Variants in MYOM2 observed in about 807,000 individuals in gnomAD.
MYOM2 encodes myomesin-2.
In MYOM2, 254 loss-of-function variants were observed where a neutral mutation model predicts 187.6. The observed-to-expected ratio is 1.35, with a 90% CI of 1.22 to 1.50. The LOEUF (loss-of-function observed/expected upper bound fraction) is 1.50, where lower values mean the gene tolerates loss of function less well. Ranked by LOEUF, MYOM2 falls within the 40% of genes most tolerant of loss-of-function variation. MYOM2 has a pLI of 0.00. For synonymous variants in MYOM2, 981 were observed against 753.8 expected (o/e 1.30, Z -4.94); for missense variants, 2,796 against 1,924.0 (o/e 1.45, Z -8.48).
intron 1 of MYOM2, among the ~76,000 whole-genome samples, chr8:2,046,085 A>G (rs537009345): frequency 1.8e-4 from 28 of 152,264 alleles, no homozygotes; most frequent in Admixed American, 1.6e-3. Flanking sequence ...GCACAGGCCA[A>G]CGCTGCGTGT....
At chr8:2,081,826 A>G (rs923061558) in intron 13 of MYOM2, 1 of 152,172 alleles carries the variant, frequency 6.6e-6, no homozygotes, top group African/African-American at 2.4e-5. Context: ...GATAAAGTGG[A>G]AGTTTGGCAT....
chr8:2,048,845 A>G (rs1818390459), intron 1 of MYOM2, among the ~76,000 whole-genome samples: 2 of 151,074 alleles, frequency 1.3e-5, no homozygotes, highest in Non-Finnish European at 1.5e-5. Context: ...GCTGGAATGC[A>G]GTGGCGCGAT....
At chr8:2,072,533 C>A (rs763031017) in intron 9 of MYOM2, 24 bp downstream of exon 9, 2 of 1,602,874 alleles carry the variant, frequency 1.2e-6, no homozygotes, top group East Asian at 4.5e-5. Flanking sequence ...GGCCCAGACC[C>A]GGGCACACAC....
intron 31 of MYOM2, among the ~76,000 whole-genome samples, chr8:2,128,201 G>A (rs949067356): frequency 6.6e-6 from 1 of 152,226 alleles, no homozygotes; most frequent in South Asian, 2.1e-4. Context: ...GCAAGCAAAG[G>A]CTCTTTCAGG....
chr8:2,106,478 T>G lies in MYOM2; in HGVS notation c.2892-13T>G. The G allele has an allele frequency of 6.2e-7, 1 of 1,610,792 alleles. No individual in the cohort carries two copies. On this transcript the variant is annotated splice_polypyrimidine_tract_variant and intron_variant, in intron 22 of 36. Coordinates refer to ENST00000262113, the MANE Select transcript of MYOM2 (RefSeq NM_003970.4). ...GAAATGATCGACATTCACCTACTCT[T>G]CTTCCTTTTTAGCTCCAAGCTGTAC...
intron 5 of MYOM2, among the ~76,000 whole-genome samples, 158 bp from the exon 6 acceptor site, chr8:2,058,995 A>G (rs7461903): frequency 0.85 from 128,713 of 152,248 alleles, 54,558 homozygotes; most frequent in East Asian, 0.97. Flanking sequence ...ACCAGTGCGA[A>G]CTCTGGGCCT....
At chr8:2,113,647 T>G (rs10098939) in intron 25 of MYOM2, among the ~76,000 whole-genome samples, 65 of 152,108 alleles carry the variant, frequency 4.3e-4, no homozygotes, top group African/African-American at 1.4e-3. Context: ...AAGGTCTCAG[T>G]TGATCAAGAA....
In MYOM2 at chr8:2,144,831, C is replaced by T. The variant is rs758132832; in HGVS notation, c.4248C>T (p.Tyr1416=). ...KGVTSEDSGK[Y]SINIKNKYGG... Reference sequence around the variant, plus strand: ...TGACCTCCGAGGACTCGGGCAAGTACAGCATCAACATCAAGAATAAGTATG... The same window carrying T: ...TGACCTCCGAGGACTCGGGCAAGTATAGCATCAACATCAAGAATAAGTATG... The change falls in exon 37 of 37, where the codon TAC becomes TAT. Residue 1416 remains tyrosine, a synonymous_variant. Coordinates refer to ENST00000262113, the MANE Select transcript of MYOM2 (RefSeq NM_003970.4). The T allele has an allele frequency of 7.4e-6, 12 of 1,614,068 alleles. No homozygotes were observed. The highest frequency in any genetic ancestry group is 2.7e-5 in the African/African-American group (2 of 74,934).
chr8:2,058,773 C>T (rs1453280067), intron 5 of MYOM2, among the ~76,000 whole-genome samples: 1 of 152,124 alleles, frequency 6.6e-6, no homozygotes, highest in African/African-American at 2.4e-5. Flanking sequence ...TTCCTTTCAC[C>T]AGGGTCAGTG....
chr8:2,095,903 C>T (rs1360780654), intron 17 of MYOM2, among the ~76,000 whole-genome samples: 5 of 152,178 alleles, frequency 3.3e-5, no homozygotes, highest in East Asian at 1.9e-4. Flanking sequence ...AAAGCTCCTT[C>T]GCCAAGCTTC....
intron 11 of MYOM2, 113 bp from the exon 12 acceptor site, chr8:2,078,621 C>A (rs376993376): frequency 2.1e-6 from 2 of 930,966 alleles, no homozygotes; most frequent in Non-Finnish European, 1.7e-6. Context: ...ATTTTACTGG[C>A]GTGAGATATT....
intron 16 of MYOM2, 65 bp downstream of exon 16, chr8:2,092,585 G>A: frequency 3.2e-6 from 5 of 1,553,166 alleles, no homozygotes; most frequent in Non-Finnish European, 3.5e-6. Flanking sequence ...TGAGGTCCCT[G>A]TGGCCCTGGC....
At position 2,057,480 on chromosome 8, in the gene MYOM2, G is replaced by C; in HGVS notation, c.396G>C (p.Gln132His). Residue 132 changes from glutamine to histidine, a missense_variant, in exon 4 of 37, where the codon CAG becomes CAC. By Grantham distance (24) the Gln-to-His change is conservative. Transcript: ENST00000262113. ...ARDKLDKYAI[Q>H]QMMEDKLAWE... ...ACAAGCTGGACAAATACGCCATTCA[G>C]CAGATGGTAGGAGGGTCTCAGGGTG... is the stretch of plus-strand genomic sequence containing the variant. 1 of 1,613,986 alleles carries C rather than the reference G, an allele frequency of 6.2e-7. No homozygotes were observed. Among genetic ancestry groups the C allele is most frequent in the Non-Finnish European group, 8.5e-7 (1 of 1,179,936 alleles).
chr8:2,134,278 C>T lies in MYOM2; in HGVS notation c.3800+5046C>T, dbSNP rs183406510. The stretch of plus-strand genomic sequence containing the variant: ...TCCTCGTCTCTCTCGGCCTGGGTGC[C>T]TTGAAGCCTTCTGTCAGTCACTCGG... On this transcript the variant is annotated intron_variant, in intron 32 of 36. Coordinates refer to ENST00000262113, the MANE Select transcript of MYOM2 (RefSeq NM_003970.4). Among the ~76,000 whole-genome samples, 57 of 152,200 alleles carry T rather than the reference C, an allele frequency of 3.7e-4. 2 individuals are homozygous for T. In the East Asian group the frequency reaches 8.5e-3, roughly 23 times the overall value.
Position 2,085,115 on chromosome 8 carries a change from G to A in MYOM2, c.1517-148G>A, listed in dbSNP as rs1247482754. 1.5e-5 allele frequency: 13 copies of A among 879,560 alleles called. 2 individuals carry two copies. The South Asian group carries it at 2.3e-4, about 15-fold the overall frequency. The allele number at this position is 879,560 out of a possible 1,614,324, so 54.5% of individuals were successfully genotyped here. A position where few individuals can be genotyped will look rare whatever the true frequency, so the allele number is the denominator to read the frequency against. On this transcript the variant is annotated intron_variant, in intron 13 of 36. Transcript: ENST00000262113. ...TGGTGCCTTATCCTCTGGTTCCAAG[G>A]AAGCATCTTTGGGGTTTGTTTGACT...
chr8:2,137,042 C>T (rs73657779), intron 32 of MYOM2, among the ~76,000 whole-genome samples: 19,808 of 151,632 alleles, frequency 0.13, 2,190 homozygotes, highest in African/African-American at 0.28. Context: ...TTTTACCCCA[C>T]GGAAGAATTT....
intron 3 of MYOM2, among the ~76,000 whole-genome samples, chr8:2,055,354 G>C (rs1394066060): frequency 1.3e-5 from 2 of 152,180 alleles, no homozygotes; most frequent in Admixed American, 6.5e-5. Flanking sequence ...CTAGGGGAGA[G>C]GCTCTGAGGG....
intron 6 of MYOM2, among the ~76,000 whole-genome samples, chr8:2,068,548 A>C: frequency 6.7e-6 from 1 of 149,476 alleles, no homozygotes; most frequent in East Asian, 2.0e-4. Flanking sequence ...GCCTGTGTGC[A>C]CCAGGCGGAG....
chr8:2,107,374 G>A (rs1378283937), intron 23 of MYOM2, among the ~76,000 whole-genome samples: 1 of 152,146 alleles, frequency 6.6e-6, no homozygotes, highest in Admixed American at 6.5e-5. Flanking sequence ...TTCTATTAAA[G>A]TGCTCTCCAG....
Sources: allele counts gnomAD v4.1 joint callset (sites outside exome capture counted in the v4.1 genomes callset), GRCh38; gene constraint gnomAD v4.1.1; transcripts MANE v1.5; gene names NCBI Gene and HGNC (gene_info 2026-07-23, HGNC 2026-07-21).